Variants in BRF1 observed in about 807,000 individuals in gnomAD.
BRF1 encodes BRF1 general transcription factor IIIB subunit.
A neutral mutation model predicts 81.7 loss-of-function variants in BRF1; 59 were observed. The ratio of observed to expected loss-of-function variants is 0.72; its 90% CI spans 0.59 to 0.90. BRF1 has a LOEUF of 0.90. Among genes scored for constraint, BRF1 ranks in the 40% least tolerant of loss-of-function variants. The probability of loss-of-function intolerance (pLI) is 0.00; values close to 1 mark genes in which losing one functional copy is unlikely to be tolerated. For missense variants in BRF1, 1,050 were observed against 936.3 expected (o/e 1.12, Z -1.58); for synonymous variants, 491 against 395.6 (o/e 1.24, Z -2.86).
At chr14:105,305,498 T>C (rs984340402), upstream of BRF1, among the ~76,000 whole-genome samples, 15 of 152,218 alleles carry the variant, frequency 9.9e-5, no homozygotes, top group African/African-American at 3.1e-4. Context: ...GCACTGTCTA[T>C]GAACCAGGAA....
At chr14:105,307,065 G>A (rs1191854760) in intron 1 of BRF1, among the ~76,000 whole-genome samples, 1 of 150,262 alleles carries the variant, frequency 6.7e-6, no homozygotes, top group East Asian at 1.9e-4. Context: ...TTTTTTTTGA[G>A]GCAGGGTCTC....
rs1313783971 is a variant in BRF1 at position 105,271,396 on chromosome 14, G to C, written c.439+1325C>G. On this transcript the variant is annotated intron_variant, in intron 3 of 17. Coordinates refer to ENST00000547530, the MANE Select transcript of BRF1 (RefSeq NM_001519.4). The surrounding 1 kb of genome is among the most constrained non-coding windows in gnomAD (Gnocchi z 5.5). ...AGCCAGAGGGCCACAGAACTGCCCA[G>C]TGAGAATGCTGGAGGCAAGGCGACG... Among the ~76,000 whole-genome samples, 1 of 152,254 alleles carries C rather than the reference G, an allele frequency of 6.6e-6. No homozygotes were observed. The highest frequency in any genetic ancestry group is 1.5e-5 in the Non-Finnish European group (1 of 68,048).
At chr14:105,288,641 T>TTTC (rs1566868138) in intron 1 of BRF1, among the ~76,000 whole-genome samples, 4 of 145,768 alleles carry the variant, frequency 2.7e-5, no homozygotes, top group African/African-American at 7.4e-5. Context: ...TTCTTTCTTT[T>TTTC]TTTTTTTTTT....
At position 105,315,154 on chromosome 14, in the gene BRF1, C is replaced by CGCG. The variant is rs2058517719; in HGVS notation, c.-162+167_-162+168insCGC. ...CCCCCAGCGGAGCCCAGGTCGCCCCCCGCGCCCCCGCCCGCCGGTTCGACG... is the reference window on the plus strand; with the variant it reads ...CCCCCAGCGGAGCCCAGGTCGCCCCCGCGCGCGCCCCCGCCCGCCGGTTCGACG... On this transcript the variant is annotated intron_variant, in intron 1 of 17. Transcript: ENST00000327359. This position sits in a 1 kb window ranked among gnomAD's most constrained non-coding sequence, Gnocchi z 4.4. 1.8e-6 allele frequency: 1 copy of CGCG among 550,586 alleles called. No individual in the cohort carries two copies. The highest frequency in any genetic ancestry group is 2.4e-6 in the Non-Finnish European group (1 of 424,234). 34.1% of individuals were successfully genotyped at this position (550,586 alleles called of 1,614,324 possible). A position where few individuals can be genotyped will look rare whatever the true frequency, so the allele number is the denominator to read the frequency against.
Position 105,210,734 on chromosome 14 carries a change from T to C in BRF1, c.1997-146A>G. On this transcript the variant is annotated intron_variant, in intron 17 of 17. Coordinates refer to ENST00000547530, the MANE Select transcript of BRF1 (RefSeq NM_001519.4). This position sits in a 1 kb window ranked among gnomAD's most constrained non-coding sequence, Gnocchi z 4.7. ...CCCCCGCGCCCCGCCAGGAGCCATCTTGGGCTCCTCTCCACCTCCCGGGAC... is the reference window on the plus strand; with the variant it reads ...CCCCCGCGCCCCGCCAGGAGCCATCCTGGGCTCCTCTCCACCTCCCGGGAC... 1 of 889,662 alleles carries C rather than the reference T, an allele frequency of 1.1e-6. No homozygotes were observed. The highest frequency in any genetic ancestry group is 2.7e-5 in the East Asian group (1 of 36,782). 55.1% of individuals were successfully genotyped at this position (889,662 alleles called of 1,614,324 possible).
intron 1 of BRF1, among the ~76,000 whole-genome samples, chr14:105,292,836 C>G (rs587695114): frequency 4.6e-5 from 7 of 151,914 alleles, no homozygotes; most frequent in Admixed American, 3.9e-4. Flanking sequence ...CAACCCTTTC[C>G]CAGGCCCACA....
intron 3 of BRF1, among the ~76,000 whole-genome samples, chr14:105,262,723 C>T (rs1360981885): frequency 6.6e-6 from 1 of 152,234 alleles, no homozygotes; most frequent in Non-Finnish European, 1.5e-5. Context: ...CTGACGCTCC[C>T]AGCCCCTGGC....
At chr14:105,248,981 C>G in intron 5 of BRF1, 1 of 986,340 alleles carries the variant, frequency 1.0e-6, no homozygotes, top group South Asian at 4.5e-5. Context: ...CGCCCAGCGC[C>G]CCCGCGCCAG....
chr14:105,249,468 A>G, intron 5 of BRF1: 1 of 1,613,138 alleles, frequency 6.2e-7, no homozygotes, highest in Non-Finnish European at 8.5e-7. Flanking sequence ...AGCCTTTCTG[A>G]TCCTCTTAAA....
chr14:105,264,450 G>A (rs1414259350), intron 3 of BRF1, among the ~76,000 whole-genome samples: 1 of 151,926 alleles, frequency 6.6e-6, no homozygotes, highest in Non-Finnish European at 1.5e-5. Context: ...GGATCACGAG[G>A]TCAGGATATC....
At position 105,300,596 on chromosome 14, in the gene BRF1, T is replaced by G; in HGVS notation, c.34A>C (p.Thr12Pro). Reference protein sequence around the residue: ...TGRVCRGCGGTDIELDAARGD... With the variant: ...TGRVCRGCGGPDIELDAARGD... Reference sequence around the variant, plus strand: ...CGCGCCGCGTCCAGCTCGATGTCCGTGCCGCCGCAACCGCGGCACACGCGG... The same window carrying G: ...CGCGCCGCGTCCAGCTCGATGTCCGGGCCGCCGCAACCGCGGCACACGCGG... The change falls in exon 1 of 18, where the codon ACG becomes CCG. Residue 12 changes from threonine to proline, a missense_variant. By Grantham distance (38) the Thr-to-Pro change is conservative. Transcript: ENST00000547530. 6.9e-7 allele frequency: 1 copy of G among 1,454,036 alleles called. No individual in the cohort carries two copies. Among genetic ancestry groups the G allele is most frequent in the Non-Finnish European group, 9.0e-7 (1 of 1,106,864 alleles). 90.1% of individuals were successfully genotyped at this position (1,454,036 alleles called of 1,614,324 possible). A position where few individuals can be genotyped will look rare whatever the true frequency, so the allele number is the denominator to read the frequency against.
In BRF1 at chr14:105,241,425, C is replaced by G; in HGVS notation, c.545-11G>C. On this transcript the variant is annotated splice_polypyrimidine_tract_variant and intron_variant, in intron 5 of 17. Coordinates refer to ENST00000547530, the MANE Select transcript of BRF1 (RefSeq NM_001519.4). ...TATACAGGCACGGGTCTGCGGCAGA[C>G]ACAGCACCTCAGTGCCCACCTCCAT... is the stretch of plus-strand genomic sequence containing the variant. 6.2e-7 allele frequency: 1 copy of G among 1,609,904 alleles called. No homozygotes were observed. Among genetic ancestry groups the G allele is most frequent in the Non-Finnish European group, 8.5e-7 (1 of 1,179,840 alleles).
Position 105,315,045 on chromosome 14 carries a change from C to T in BRF1, c.-162+277G>A, listed in dbSNP as rs2140749823. ...CCCCAGCTGCGTGCCCAGGTACGCG[C>T]CGCCCGCCGCGCTTTGTTCCCGCCG... On this transcript the variant is annotated intron_variant, in intron 1 of 17. Transcript: ENST00000327359. This position sits in a 1 kb window ranked among gnomAD's most constrained non-coding sequence, Gnocchi z 4.4. 2 of 1,173,250 alleles carry T rather than the reference C, an allele frequency of 1.7e-6. No individual in the cohort carries two copies. The highest frequency in any genetic ancestry group is 4.1e-5 in the Admixed American group (1 of 24,366). The allele number at this position is 1,173,250 out of a possible 1,614,324, so 72.7% of individuals were successfully genotyped here. A position where few individuals can be genotyped will look rare whatever the true frequency, so the allele number is the denominator to read the frequency against.
chr14:105,248,573 G>T (rs1595377599), intron 5 of BRF1: 9 of 272,610 alleles, frequency 3.3e-5, no homozygotes, highest in Non-Finnish European at 4.0e-5. Context: ...ACGGGCTCGG[G>T]CGGGCGGGCG....
intron 5 of BRF1, 114 bp downstream of exon 5, chr14:105,252,393 C>T: frequency 6.8e-7 from 1 of 1,463,686 alleles, no homozygotes; most frequent in Non-Finnish European, 9.0e-7. Context: ...ACATTTCTTA[C>T]CTTGAGGGGT....
intron 1 of BRF1, among the ~76,000 whole-genome samples, chr14:105,296,291 G>A (rs1274149572): frequency 6.6e-6 from 1 of 152,014 alleles, no homozygotes; most frequent in East Asian, 1.9e-4. Context: ...TTGGGAGGCC[G>A]AGGTGGGCGG....
chr14:105,279,831 A>G lies in BRF1; in HGVS notation c.265+6465T>C, dbSNP rs143443584. ...GTCCATCAACAGGAAAAGGAGATAA[A>G]CTGTGGTCTATTCATCCCATGAAAT... On this transcript the variant is annotated intron_variant, in intron 2 of 17. Transcript: ENST00000547530. 2.6e-4 allele frequency among the ~76,000 whole-genome samples: 39 copies of G among 152,288 alleles called. No individual in the cohort carries two copies. The East Asian group carries it at 7.5e-3, about 29-fold the overall frequency.
rs587754730 is a variant in BRF1, at chr14:105,229,629, C to T, written c.695-716G>A. Among the ~76,000 whole-genome samples, 123 of 151,200 alleles carry T rather than the reference C, an allele frequency of 8.1e-4. 1 individual carries two copies. Among genetic ancestry groups the T allele is most frequent in the Middle Eastern group, 7.0e-3 (2 of 286 alleles). ...GTCACAGAGGTCCAACTAGAACAGTCGCCCAGCTGGGGGCGGGGGACAGCC... is the reference window on the plus strand; with the variant it reads ...GTCACAGAGGTCCAACTAGAACAGTTGCCCAGCTGGGGGCGGGGGACAGCC... On this transcript the variant is annotated intron_variant, in intron 6 of 17. Transcript: ENST00000547530.
At chr14:105,273,336 C>G (rs115570854) in intron 2 of BRF1, among the ~76,000 whole-genome samples, 1 of 152,208 alleles carries the variant, frequency 6.6e-6, no homozygotes, top group Non-Finnish European at 1.5e-5. Flanking sequence ...TCAGCCCACC[C>G]GTCCCTTCTC....
Sources: gnomAD v4.1 joint callset for allele counts (sites outside exome capture counted in the v4.1 genomes callset) on GRCh38, gnomAD v4.1.1 for gene constraint, Gnocchi (gnomAD v3.1) non-coding constraint, MANE v1.5 for transcripts, NCBI Gene and HGNC (gene_info 2026-07-23, HGNC 2026-07-21) for gene names.